Variants in SYT17 observed in about 807,000 individuals in gnomAD.
The protein encoded by SYT17 is synaptotagmin-17.
SYT17 carries 22 observed loss-of-function variants against 46.7 expected under a neutral mutation model. The ratio of observed to expected loss-of-function variants is 0.47; its 90% confidence interval spans 0.34 to 0.67. SYT17 has a LOEUF of 0.67. Ranked by LOEUF, SYT17 falls within the 30% of genes least tolerant of loss-of-function variation. The pLI is 0.01. For missense variants in SYT17, 519 were observed against 612.8 expected (o/e 0.85, Z 1.62); for synonymous variants, 251 against 248.4 (o/e 1.01, Z -0.10).
At chr16:19,238,655 G>C (rs1271052923) in intron 7 of SYT17, among the ~76,000 whole-genome samples, 1 of 152,240 alleles carries the variant, frequency 6.6e-6, no homozygotes, top group Non-Finnish European at 1.5e-5. Context: ...GGTGCCTTTG[G>C]ATGGAACCTT....
At chr16:19,213,523 G>C (rs914392111) in intron 5 of SYT17, among the ~76,000 whole-genome samples, 1 of 152,180 alleles carries the variant, frequency 6.6e-6, no homozygotes, top group African/African-American at 2.4e-5. Context: ...GGCCTTAAAA[G>C]TAGAGAACAA....
chr16:19,229,191 G>T (rs1433162673), intron 7 of SYT17, among the ~76,000 whole-genome samples: 1 of 152,154 alleles, frequency 6.6e-6, no homozygotes, highest in Non-Finnish European at 1.5e-5. Context: ...GAAAAAGAAG[G>T]AAAGAAAGCG....
At chr16:19,221,310 G>C (rs1966310523) in intron 5 of SYT17, among the ~76,000 whole-genome samples, 1 of 152,108 alleles carries the variant, frequency 6.6e-6, no homozygotes, top group African/African-American at 2.4e-5. Context: ...GGAGGTTTAG[G>C]AGCCTGACTA....
intron 7 of SYT17, among the ~76,000 whole-genome samples, chr16:19,238,406 G>A (rs1027508570): frequency 4.3e-4 from 66 of 152,174 alleles, no homozygotes; most frequent in Non-Finnish European, 8.8e-5. Context: ...GCGGTCAGGA[G>A]ATAGAAGCAT....
intron 5 of SYT17, among the ~76,000 whole-genome samples, chr16:19,220,303 C>CTTTCTTTCTTTT (rs776097400): frequency 2.5e-5 from 2 of 80,514 alleles, no homozygotes; most frequent in Non-Finnish European, 2.2e-5. Context: ...TTCTTTCTTT[C>CTTTCTTTCTTTT]TTTTTTTTTT....
intron 7 of SYT17, 93 bp downstream of exon 7, chr16:19,224,931 A>G (rs1966450061): frequency 3.5e-6 from 5 of 1,446,136 alleles, no homozygotes; most frequent in African/African-American, 2.8e-5. Context: ...AGTTACATTT[A>G]AGAACGTAAT....
At chr16:19,248,260 G>T (rs1597021915) in intron 7 of SYT17, among the ~76,000 whole-genome samples, 2 of 152,312 alleles carry the variant, frequency 1.3e-5, no homozygotes, top group South Asian at 2.1e-4. Flanking sequence ...GAACTCTCAT[G>T]CATTTCTGGT....
chr16:19,225,113 G>A (rs1966456814), intron 7 of SYT17, among the ~76,000 whole-genome samples: 1 of 152,134 alleles, frequency 6.6e-6, no homozygotes, highest in Non-Finnish European at 1.5e-5. Context: ...CTGAGCTTCA[G>A]TTTCCTCATC....
Position 19,168,349 on chromosome 16 carries a change from G to A in SYT17, c.-298G>A. ...CCCCGGCCTTATTCCAGCCTGGGGA[G>A]CGCCTCGGTGGGGAGCACGGGACAG... On this transcript the variant is annotated 5_prime_UTR_variant, in exon 1 of 8. Transcript: ENST00000355377. This position sits in a 1 kb window ranked among gnomAD's most constrained non-coding sequence, Gnocchi z 6.9. 2.1e-6 allele frequency: 1 copy of A among 478,586 alleles called. No homozygotes were observed. Among genetic ancestry groups the A allele is most frequent in the Non-Finnish European group, 3.7e-6 (1 of 271,768 alleles). 29.6% of individuals were successfully genotyped at this position (478,586 alleles called of 1,614,324 possible).
In SYT17 at chr16:19,192,765, A is replaced by T. The variant is rs148332751; in HGVS notation, c.951+8618A>T. 3.1e-3 allele frequency among the ~76,000 whole-genome samples: 472 copies of T among 152,284 alleles called. 2 individuals are homozygous for T. Among genetic ancestry groups the T allele is most frequent in the African/African-American group, 0.011 (444 of 41,550 alleles). ...GAAGCAGCCTTTGAGGAAACTATAA[A>T]CAAGGAATATCAAACAGTGCGGGGT... On this transcript the variant is annotated intron_variant, in intron 5 of 7. Coordinates refer to ENST00000355377, the MANE Select transcript of SYT17 (RefSeq NM_016524.4).
rs776097400 is a variant in SYT17, at chr16:19,220,303, C to CTTTCTTTTT, written c.952-2739_952-2738insCTTTTTTTT. Among the ~76,000 whole-genome samples, 205 of 80,492 alleles carry CTTTCTTTTT rather than the reference C, an allele frequency of 2.5e-3. 15 individuals carry two copies. The highest frequency in any genetic ancestry group is 9.8e-3 in the African/African-American group (194 of 19,862). The allele number at this position is 80,492 out of a possible 152,430, so 52.8% of individuals were successfully genotyped here. On this transcript the variant is annotated intron_variant, in intron 5 of 7. Transcript: ENST00000355377. ...TTCAATGACATTTCTTTCTTTCTTT[C>CTTTCTTTTT]TTTTTTTTTTTTTTTTTGAGATGAA...
At chr16:19,260,336 C>CAAAA (rs34504914) in intron 7 of SYT17, among the ~76,000 whole-genome samples, 2 of 22,884 alleles carry the variant, frequency 8.7e-5, no homozygotes, top group Admixed American at 7.6e-4. Flanking sequence ...CAGAAAATAC[C>CAAAA]AAAAAAAAAA....
At chr16:19,171,105 C>G (rs2142496824) in intron 1 of SYT17, 1 of 152,382 alleles carries the variant, frequency 6.6e-6, no homozygotes, top group Admixed American at 6.5e-5. Flanking sequence ...GACTAGGACT[C>G]TAGTACTTCC....
intron 7 of SYT17, among the ~76,000 whole-genome samples, chr16:19,248,486 A>G (rs892204504): frequency 6.6e-6 from 1 of 152,254 alleles, no homozygotes; most frequent in Non-Finnish European, 1.5e-5. Flanking sequence ...ATGTCCATCA[A>G]CTGATGAATG....
intron 7 of SYT17, among the ~76,000 whole-genome samples, chr16:19,250,888 C>G (rs1448390112): frequency 6.6e-6 from 1 of 152,152 alleles, no homozygotes; most frequent in Non-Finnish European, 1.5e-5. Flanking sequence ...ACTTCCCCCT[C>G]CCCCAGGGCA....
rs564194068 is a variant in SYT17 at position 19,196,814 on chromosome 16, T to C, written c.951+12667T>C. On this transcript the variant is annotated intron_variant, in intron 5 of 7. Transcript: ENST00000355377. ...GGGTTTGGACAAATGTATAATGACA[T>C]GGGTCCACCATTGTAATGTCATCCA... Among the ~76,000 whole-genome samples, 6 of 152,334 alleles carry C rather than the reference T, an allele frequency of 3.9e-5. No individual in the cohort carries two copies. The East Asian group carries it at 1.2e-3, about 29-fold the overall frequency.
At chr16:19,232,086 G>GC (rs1314217188) in intron 7 of SYT17, among the ~76,000 whole-genome samples, 1 of 152,140 alleles carries the variant, frequency 6.6e-6, no homozygotes, top group East Asian at 1.9e-4. Flanking sequence ...AGAAATTGAG[G>GC]CTGACGTCAT....
chr16:19,172,927 A>T, intron 2 of SYT17, 150 bp downstream of exon 2: 2 of 987,856 alleles, frequency 2.0e-6, no homozygotes, highest in Non-Finnish European at 3.0e-6. Context: ...CTTTCTACCG[A>T]AAGGAGATCC....
intron 7 of SYT17, among the ~76,000 whole-genome samples, chr16:19,257,201 C>A (rs1968634548): frequency 6.6e-6 from 1 of 152,050 alleles, no homozygotes; most frequent in South Asian, 2.1e-4. Context: ...AAAAAAAGTT[C>A]TGTCCCAGCA....
Sources: gnomAD v4.1 joint callset for allele counts (sites outside exome capture counted in the v4.1 genomes callset) on GRCh38, gnomAD v4.1.1 for gene constraint, Gnocchi (gnomAD v3.1) non-coding constraint, MANE v1.5 for transcripts, NCBI Gene and HGNC (gene_info 2026-07-23, HGNC 2026-07-21) for gene names.